The following ADGRL3 variants were observed in gnomAD, a reference collection of about 807,000 sequenced individuals.
The protein encoded by ADGRL3 is calcium-independent alpha-latrotoxin receptor 3.
ADGRL3 carries 62 observed loss-of-function variants against 153.5 expected under a neutral mutation model. That is an observed-to-expected ratio of 0.40 (90% CI 0.33 to 0.50). The LOEUF (loss-of-function observed/expected upper bound fraction) is 0.50. Among genes scored for constraint, ADGRL3 ranks in the 20% least tolerant of loss-of-function variants. ADGRL3 has a pLI of 0.47. For synonymous variants in ADGRL3, 710 were observed against 672.5 expected (o/e 1.06, Z -0.86); for missense variants, 1,641 against 1,859.4 (o/e 0.88, Z 2.16).
chr4:61,641,356 T>C (rs1034020929), intron 5 of ADGRL3, among the ~76,000 whole-genome samples: 1 of 152,070 alleles, frequency 6.6e-6, no homozygotes, highest in African/African-American at 2.4e-5. Context: ...TACATATGTA[T>C]ACATGTGCCA....
At chr4:61,508,173 A>G (rs1018764395) in intron 3 of ADGRL3, among the ~76,000 whole-genome samples, 1 of 152,152 alleles carries the variant, frequency 6.6e-6, no homozygotes, top group Non-Finnish European at 1.5e-5. Context: ...AGAAATCTCT[A>G]CTTACTCATT....
intron 5 of ADGRL3, among the ~76,000 whole-genome samples, chr4:61,600,998 AT>A (rs1001467012): frequency 7.4e-5 from 11 of 149,314 alleles, no homozygotes; most frequent in Non-Finnish European, 1.3e-4. Flanking sequence ...AATTGGGGGC[AT>A]TTTTTTTATT....
At chr4:61,554,117 A>G (rs1579497387) in intron 4 of ADGRL3, among the ~76,000 whole-genome samples, 1 of 147,232 alleles carries the variant, frequency 6.8e-6, no homozygotes, top group East Asian at 2.0e-4. Context: ...TTTTTTTTAC[A>G]TTTTAAATAT....
chr4:61,643,058 T>G (rs1039309092), intron 5 of ADGRL3, among the ~76,000 whole-genome samples: 114 of 152,320 alleles, frequency 7.5e-4, no homozygotes, highest in Admixed American at 9.2e-4. Context: ...CAATTGTGAA[T>G]GGGAGATCAC....
chr4:61,714,358 G>A (rs1264745093), intron 6 of ADGRL3, among the ~76,000 whole-genome samples: 1 of 150,362 alleles, frequency 6.7e-6, no homozygotes, highest in Non-Finnish European at 1.5e-5. Flanking sequence ...ATGTATACTT[G>A]AGTACACACA....
chr4:61,365,635 T>G (rs964327105), intron 1 of ADGRL3, among the ~76,000 whole-genome samples: 2 of 152,234 alleles, frequency 1.3e-5, no homozygotes. Context: ...TTGCTTCAGC[T>G]TCAAGAGGAA....
chr4:61,537,225 T>C (rs2098662509), intron 4 of ADGRL3, among the ~76,000 whole-genome samples: 1 of 151,886 alleles, frequency 6.6e-6, no homozygotes, highest in African/African-American at 2.4e-5. Context: ...TCTGTTTTGG[T>C]TTGTAAAGTT....
chr4:61,246,327 G>A (rs942552054), intron 1 of ADGRL3, among the ~76,000 whole-genome samples: 1 of 152,008 alleles, frequency 6.6e-6, no homozygotes, highest in Admixed American at 6.6e-5. Context: ...CTTTCTGTAG[G>A]ATGATTAATA....
At position 61,539,270 on chromosome 4, in the gene ADGRL3, G is replaced by C. The variant is rs372806674; in HGVS notation, c.259+21752G>C. Among the ~76,000 whole-genome samples the C allele has an allele frequency of 2.6e-4, 39 of 152,320 alleles. 1 individual carries two copies. The highest frequency in any genetic ancestry group is 9.4e-4 in the African/African-American group (39 of 41,572). ...GAGTGGCTGTCTCCGGGGCACTGATGCCAGCCCCCAGTGAGGAGAGCCTCT... is the reference window on the plus strand; with the variant it reads ...GAGTGGCTGTCTCCGGGGCACTGATCCCAGCCCCCAGTGAGGAGAGCCTCT... On this transcript the variant is annotated intron_variant, in intron 4 of 26. Transcript: ENST00000683033.
At chr4:61,290,647 AAAGGAAGGAAGGAAGAAAGGAAGG>A (rs2094138702) in intron 1 of ADGRL3, among the ~76,000 whole-genome samples, 1 of 144,902 alleles carries the variant, frequency 6.9e-6, no homozygotes, top group Non-Finnish European at 1.5e-5. Flanking sequence ...ATCTCAATAT[AAAGGAAGGAAGGAAGAAAGGAAGG>A]AAGGAAGGAA....
intron 5 of ADGRL3, among the ~76,000 whole-genome samples, chr4:61,641,505 C>T (rs989762173): frequency 2.8e-5 from 4 of 143,486 alleles, no homozygotes; most frequent in African/African-American, 7.8e-5. Flanking sequence ...TCTCATTGTT[C>T]AATTCCCACC....
intron 8 of ADGRL3, among the ~76,000 whole-genome samples, chr4:61,784,388 A>G (rs1035939917): frequency 6.6e-6 from 1 of 151,858 alleles, no homozygotes; most frequent in African/African-American, 2.4e-5. Flanking sequence ...AACAATGACA[A>G]AAACCCCTTA....
chr4:61,677,461 C>A (rs979392077), intron 6 of ADGRL3: 6 of 294,380 alleles, frequency 2.0e-5, no homozygotes, highest in African/African-American at 1.4e-4. Flanking sequence ...TTTACAGCTT[C>A]AAGAAGTATG....
At position 61,912,343 on chromosome 4, in the gene ADGRL3, C is replaced by A. The variant is rs192448138; in HGVS notation, c.2074-376C>A. On this transcript the variant is annotated intron_variant, in intron 12 of 26. Coordinates refer to ENST00000683033, the MANE Select transcript of ADGRL3 (RefSeq NM_001387552.1). ...AAAAATGGGTTCCAAACTTCTGATGCAATTTCCTTAACTTCATGTCTTTGT... is the reference window on the plus strand; with the variant it reads ...AAAAATGGGTTCCAAACTTCTGATGAAATTTCCTTAACTTCATGTCTTTGT... 2.6e-5 allele frequency among the ~76,000 whole-genome samples: 4 copies of A among 152,290 alleles called. No homozygotes were observed. The East Asian group carries it at 7.7e-4, about 29-fold the overall frequency.
chr4:61,362,160 G>A (rs988207322), intron 1 of ADGRL3, among the ~76,000 whole-genome samples: 5 of 150,556 alleles, frequency 3.3e-5, no homozygotes, highest in East Asian at 2.0e-4. Context: ...GCACCACCAC[G>A]CCTGACTAAT....
intron 8 of ADGRL3, among the ~76,000 whole-genome samples, chr4:61,740,118 C>T (rs952917713): frequency 2.6e-5 from 4 of 152,192 alleles, no homozygotes; most frequent in African/African-American, 4.8e-5. Flanking sequence ...AAAGCACTTC[C>T]TCTGTTTTTT....
Position 61,301,775 on chromosome 4 carries a change from T to A in ADGRL3, c.-239-81349T>A, listed in dbSNP as rs573933898. On this transcript the variant is annotated intron_variant, in intron 1 of 26. Transcript: ENST00000683033. ...ATAAGAACAAATTTCAATTTGTCCA[T>A]GGACAAGGACAAATCTGAAATAACA... 7.9e-5 allele frequency among the ~76,000 whole-genome samples: 12 copies of A among 152,254 alleles called. 1 individual carries two copies. In the South Asian group the frequency reaches 2.3e-3, roughly 29 times the overall value.
intron 5 of ADGRL3, among the ~76,000 whole-genome samples, chr4:61,676,426 C>T (rs1204017247): frequency 6.6e-6 from 1 of 151,874 alleles, no homozygotes; most frequent in African/African-American, 2.4e-5. Flanking sequence ...TATTTTACAA[C>T]TGCCTAATAA....
chr4:61,953,461 T>G (rs2098954967), intron 17 of ADGRL3, among the ~76,000 whole-genome samples: 2 of 152,192 alleles, frequency 1.3e-5, no homozygotes, highest in South Asian at 4.1e-4. Flanking sequence ...TCCACATTTT[T>G]GATCACCTAA....
Sources: gnomAD v4.1 joint callset for allele counts (sites outside exome capture counted in the v4.1 genomes callset) on GRCh38, gnomAD v4.1.1 for gene constraint, MANE v1.5 for transcripts, NCBI Gene and HGNC (gene_info 2026-07-23, HGNC 2026-07-21) for gene names.